The following PIEZO2 variants were observed in gnomAD, a reference collection of about 807,000 sequenced individuals.
PIEZO2 encodes piezo type mechanosensitive ion channel component 2, also known as piezo-type mechanosensitive ion channel component 2.
A neutral mutation model predicts 337.3 loss-of-function variants in PIEZO2; 172 were observed. The ratio of observed to expected loss-of-function variants is 0.51; its 90% CI spans 0.45 to 0.58. The LOEUF (loss-of-function observed/expected upper bound fraction) is 0.58. Ranked by LOEUF, PIEZO2 falls within the 20% of genes least tolerant of loss-of-function variation. The probability of loss-of-function intolerance (pLI) is 0.00; values close to 1 mark genes in which losing one functional copy is unlikely to be tolerated. For missense variants in PIEZO2, 3,028 were observed against 3,391.3 expected (o/e 0.89, Z 2.66); for synonymous variants, 1,251 against 1,228.5 (o/e 1.02, Z -0.38).
chr18:10,773,449 C>T lies in PIEZO2; in HGVS notation c.2748G>A (p.Glu916=), dbSNP rs781219843. 4 of 1,537,418 alleles carry T rather than the reference C, an allele frequency of 2.6e-6. No homozygotes were observed. The highest frequency in any genetic ancestry group is 2.4e-5 in the South Asian group (2 of 84,064). ...CCTCCTCCTCGGATTCCTCCTCTTC[C>T]TCTCCGTCCTCCTCTGACTCCTCGC... ...KDSEESEEDG[E]EEEESEEEEE... The change falls in exon 20 of 56, where the codon GAG becomes GAA. Residue 916 remains glutamate (E), a synonymous_variant. Transcript: ENST00000674853. This position sits in a 1 kb window ranked among gnomAD's most constrained non-coding sequence, Gnocchi z 5.3.
chr18:11,145,360 G>GAA (rs34507840), intron 1 of PIEZO2, among the ~76,000 whole-genome samples: 10 of 151,628 alleles, frequency 6.6e-5, no homozygotes, highest in African/African-American at 2.2e-4. Flanking sequence ...TACGGAAAAA[G>GAA]AAAAAAAATC....
At chr18:10,744,278 T>C in intron 30 of PIEZO2, 47 bp from the exon 31 acceptor site, 1 of 1,207,088 alleles carries the variant, frequency 8.3e-7, no homozygotes, top group Non-Finnish European at 1.2e-6. Context: ...CTTGCCATTG[T>C]TGTTCCCCTT....
chr18:10,995,156 A>T (rs1245456786), intron 2 of PIEZO2, among the ~76,000 whole-genome samples: 1 of 149,946 alleles, frequency 6.7e-6, no homozygotes, highest in African/African-American at 2.5e-5. Flanking sequence ...AAATTTTTTG[A>T]CTATGGCCAT....
At position 10,748,469 on chromosome 18, in the gene PIEZO2, A is replaced by T; in HGVS notation, c.4424+2T>A. Reference sequence around the variant, plus strand: ...ACCACCTGATTTCATGGCCTGACCCACCTTGATGCCAGAATCTGGGAAGCT... The same window carrying T: ...ACCACCTGATTTCATGGCCTGACCCTCCTTGATGCCAGAATCTGGGAAGCT... On this transcript the variant is annotated splice_donor_variant, in intron 30 of 55. Coordinates refer to ENST00000674853, the MANE Select transcript of PIEZO2 (RefSeq NM_001378183.1). LOFTEE classifies it high-confidence loss of function. This position sits in a 1 kb window ranked among gnomAD's most constrained non-coding sequence, Gnocchi z 5.1. 1 of 1,536,970 alleles carries T rather than the reference A, an allele frequency of 6.5e-7. No individual in the cohort carries two copies. Among genetic ancestry groups the T allele is most frequent in the Non-Finnish European group, 8.7e-7 (1 of 1,146,794 alleles).
In PIEZO2 at chr18:10,759,441, CG is replaced by C. The variant is rs1568025860; in HGVS notation, c.3757+40del. 16 of 1,481,602 alleles carry C rather than the reference CG, an allele frequency of 1.1e-5. No individual in the cohort carries two copies. The highest frequency in any genetic ancestry group is 2.0e-5 in the Admixed American group (1 of 50,848). The allele number at this position is 1,481,602 out of a possible 1,614,324, so 91.8% of individuals were successfully genotyped here. A position where few individuals can be genotyped will look rare whatever the true frequency, so the allele number is the denominator to read the frequency against. On this transcript the variant is annotated intron_variant, in intron 26 of 55. Transcript: ENST00000674853. The surrounding 1 kb of genome is among the most constrained non-coding windows in gnomAD (Gnocchi z 5.5). ...CGTGAACAATGATTAACAGTAAACC[CG>C]GATACCAGCACTCTGTGGCCCTGCA...
chr18:10,745,818 C>A (rs1169393320), intron 30 of PIEZO2, among the ~76,000 whole-genome samples: 1 of 152,140 alleles, frequency 6.6e-6, no homozygotes, highest in African/African-American at 2.4e-5. Context: ...CAGGCCTGTC[C>A]ATGCAGCTGC....
chr18:10,962,310 C>T lies in PIEZO2; in HGVS notation c.286+17225G>A, dbSNP rs999156240. 6.6e-6 allele frequency among the ~76,000 whole-genome samples: 1 copy of T among 152,184 alleles called. No homozygotes were observed. The highest frequency in any genetic ancestry group is 2.4e-5 in the African/African-American group (1 of 41,440). ...TCTGCATCTCCCCTCCGCTTGCCTG[C>T]AGCTTTTCCTGGTCACTCACGGCCC... On this transcript the variant is annotated intron_variant, in intron 3 of 55. Transcript: ENST00000674853. This position sits in a 1 kb window ranked among gnomAD's most constrained non-coding sequence, Gnocchi z 4.1.
chr18:11,125,504 C>A lies in PIEZO2; in HGVS notation c.64+23021G>T, dbSNP rs2146212151. ...AAAACACGTGTTTAGTGCTAAGAGT[C>A]CAGCACACTTCATTACGTTGTTGGA... On this transcript the variant is annotated intron_variant, in intron 1 of 55. Transcript: ENST00000674853. The surrounding 1 kb of genome is among the most constrained non-coding windows in gnomAD (Gnocchi z 4.4). Among the ~76,000 whole-genome samples, 1 of 152,294 alleles carries A rather than the reference C, an allele frequency of 6.6e-6. No homozygotes were observed. Among genetic ancestry groups the A allele is most frequent in the South Asian group, 2.1e-4 (1 of 4,830 alleles).
chr18:11,066,914 T>C (rs1239787750), intron 1 of PIEZO2, among the ~76,000 whole-genome samples: 1 of 152,258 alleles, frequency 6.6e-6, no homozygotes, highest in East Asian at 1.9e-4. Flanking sequence ...GCAGACTTTT[T>C]ATATATGATT....
At chr18:11,130,866 C>T (rs771008548) in intron 1 of PIEZO2, among the ~76,000 whole-genome samples, 2 of 152,186 alleles carry the variant, frequency 1.3e-5, no homozygotes, top group African/African-American at 4.8e-5. Context: ...AAAAGGCTGC[C>T]ATTCTGAGTG....
chr18:11,035,718 A>G lies in PIEZO2; in HGVS notation c.160+30409T>C, dbSNP rs118168121. Among the ~76,000 whole-genome samples the G allele has an allele frequency of 2.2e-3, 334 of 152,308 alleles. 13 individuals are homozygous for G. In the East Asian group the frequency reaches 0.057, roughly 26 times the overall value. On this transcript the variant is annotated intron_variant, in intron 2 of 55. Coordinates refer to ENST00000674853, the MANE Select transcript of PIEZO2 (RefSeq NM_001378183.1). This position sits in a 1 kb window ranked among gnomAD's most constrained non-coding sequence, Gnocchi z 4.3. ...CAGAGGGTTGGAAAGTGTGATTATG[A>G]TGATGAAATTATTATTCCACAAAAC...
chr18:10,698,069 C>T (rs376564831), intron 44 of PIEZO2, among the ~76,000 whole-genome samples, 189 bp from the exon 45 acceptor site: 1 of 151,528 alleles, frequency 6.6e-6, no homozygotes, highest in Non-Finnish European at 1.5e-5. Flanking sequence ...GGTTTAACAC[C>T]CCATGGTGGC....
chr18:10,839,442 A>G (rs546260574), intron 7 of PIEZO2, among the ~76,000 whole-genome samples: 1 of 152,356 alleles, frequency 6.6e-6, no homozygotes, highest in East Asian at 1.9e-4. Context: ...ACTGCACTCT[A>G]GAGGGAATAC....
chr18:10,887,351 G>C (rs1179117011), intron 4 of PIEZO2, among the ~76,000 whole-genome samples: 1 of 151,904 alleles, frequency 6.6e-6, no homozygotes, highest in Non-Finnish European at 1.5e-5. Flanking sequence ...TTACAGGAGT[G>C]AGCCACCGCT....
chr18:11,021,044 T>C lies in PIEZO2; in HGVS notation c.161-41384A>G, dbSNP rs1351127163. On this transcript the variant is annotated intron_variant, in intron 2 of 55. Coordinates refer to ENST00000674853, the MANE Select transcript of PIEZO2 (RefSeq NM_001378183.1). The surrounding 1 kb of genome is among the most constrained non-coding windows in gnomAD (Gnocchi z 4.7). The stretch of plus-strand genomic sequence containing the variant: ...CTGCTCAGCAGAAAAGCACTAACCC[T>C]CATGGAGTCACTGTAGGAAGTGACT... Among the ~76,000 whole-genome samples the C allele has an allele frequency of 6.6e-6, 1 of 152,172 alleles. No individual in the cohort carries two copies. The highest frequency in any genetic ancestry group is 2.1e-4 in the South Asian group (1 of 4,828).
At chr18:10,907,674 T>G (rs1452601852) in intron 4 of PIEZO2, among the ~76,000 whole-genome samples, 3 of 152,138 alleles carry the variant, frequency 2.0e-5, no homozygotes, top group Non-Finnish European at 4.4e-5. Context: ...CCTCACTGAT[T>G]ACACATGATT....
At chr18:10,705,196 A>T (rs2035524670) in intron 41 of PIEZO2, 140 bp downstream of exon 41, 3 of 1,131,298 alleles carry the variant, frequency 2.7e-6, no homozygotes, top group African/African-American at 3.2e-5. Flanking sequence ...GCAGTGCAAG[A>T]AGTCTTGGAA....
rs2041684329 is a variant in PIEZO2 at position 10,855,637 on chromosome 18, T to C, written c.704-71A>G. On this transcript the variant is annotated intron_variant, in intron 6 of 55. Transcript: ENST00000674853. The surrounding 1 kb of genome is among the most constrained non-coding windows in gnomAD (Gnocchi z 4.9). ...TCACTTATCATTCAGTGAATGTGAC[T>C]ATTTGAAATTATGTGAATTTCCTTC... The C allele has an allele frequency of 8.5e-7, 1 of 1,176,154 alleles. No homozygotes were observed. The highest frequency in any genetic ancestry group is 1.6e-5 in the African/African-American group (1 of 64,512). The allele number at this position is 1,176,154 out of a possible 1,614,324, so 72.9% of individuals were successfully genotyped here.
chr18:10,851,155 C>CTTT (rs10592305), intron 7 of PIEZO2, among the ~76,000 whole-genome samples: 1 of 127,936 alleles, frequency 7.8e-6, no homozygotes, highest in African/African-American at 2.9e-5. Flanking sequence ...TTTCTTTTAT[C>CTTT]TTTTTTTTTT....
Sources: allele counts gnomAD v4.1 joint callset (sites outside exome capture counted in the v4.1 genomes callset), GRCh38; gene constraint gnomAD v4.1.1; non-coding constraint Gnocchi (gnomAD v3.1); transcripts MANE v1.5; gene names NCBI Gene and HGNC (gene_info 2026-07-23, HGNC 2026-07-21).